Variants in MACROD2 observed in about 807,000 individuals in gnomAD.
MACROD2 encodes mono-ADP ribosylhydrolase 2.
In MACROD2, 36 loss-of-function variants were observed where a neutral mutation model predicts 70.4. The ratio of observed to expected loss-of-function variants is 0.51; its 90% CI spans 0.39 to 0.68. The LOEUF (loss-of-function observed/expected upper bound fraction) is 0.68. Ranked by LOEUF, MACROD2 falls within the 30% of genes least tolerant of loss-of-function variation. The pLI is 0.00. For synonymous variants in MACROD2, 172 were observed against 178.8 expected (o/e 0.96, Z 0.30); for missense variants, 496 against 538.4 (o/e 0.92, Z 0.78).
intron 8 of MACROD2, among the ~76,000 whole-genome samples, chr20:15,686,623 A>G (rs1163075537): frequency 6.6e-6 from 1 of 152,208 alleles, no homozygotes; most frequent in African/African-American, 2.4e-5. Context: ...CTGTAATCCC[A>G]GCACTTTGGG....
chr20:15,144,745 A>G (rs1323688876), intron 5 of MACROD2, among the ~76,000 whole-genome samples: 1 of 152,168 alleles, frequency 6.6e-6, no homozygotes, highest in African/African-American at 2.4e-5. Flanking sequence ...GGGAAACATG[A>G]TGAACTTTTG....
chr20:14,987,328 C>T lies in MACROD2; in HGVS notation c.419-242612C>T, dbSNP rs568056989. On this transcript the variant is annotated intron_variant, in intron 5 of 17. Transcript: ENST00000684519. ...GCCTCTCTGAGGATTATGGATAAAG[C>T]GGTTAACACAATTCCAGGCAACTAG... Among the ~76,000 whole-genome samples the T allele has an allele frequency of 1.3e-4, 20 of 152,184 alleles. No individual in the cohort carries two copies. The South Asian group carries it at 4.2e-3, about 32-fold the overall frequency.
intron 5 of MACROD2, among the ~76,000 whole-genome samples, chr20:15,099,571 A>G (rs1353993998): frequency 6.6e-6 from 1 of 152,128 alleles, no homozygotes; most frequent in Non-Finnish European, 1.5e-5. Flanking sequence ...TACCCAGTTT[A>G]TGGTGTTTGG....
At chr20:15,477,118 T>TTTTTTG (rs2047033187) in intron 7 of MACROD2, among the ~76,000 whole-genome samples, 1 of 149,752 alleles carries the variant, frequency 6.7e-6, no homozygotes, top group African/African-American at 2.5e-5. Flanking sequence ...TTTTTTTTTT[T>TTTTTTG]GAGACAGGGC....
intron 5 of MACROD2, among the ~76,000 whole-genome samples, chr20:14,768,458 A>T (rs1462966759): frequency 1.3e-5 from 2 of 152,018 alleles, no homozygotes; most frequent in African/African-American, 4.8e-5. Flanking sequence ...AATCTTAAAG[A>T]CCCAGCCAGA....
intron 3 of MACROD2, among the ~76,000 whole-genome samples, chr20:14,396,233 C>G (rs1353595347): frequency 2.0e-5 from 3 of 152,166 alleles, no homozygotes; most frequent in Non-Finnish European, 2.9e-5. Context: ...CTATAAATAT[C>G]AAGTCAAGTG....
chr20:15,325,153 C>A (rs1378568730), intron 6 of MACROD2, among the ~76,000 whole-genome samples: 1 of 152,078 alleles, frequency 6.6e-6, no homozygotes, highest in Admixed American at 6.6e-5. Context: ...TGATAACATA[C>A]AATCTTTCAC....
intron 6 of MACROD2, among the ~76,000 whole-genome samples, chr20:15,313,230 T>C (rs1029650576): frequency 3.3e-5 from 5 of 152,130 alleles, no homozygotes; most frequent in African/African-American, 1.2e-4. Context: ...TATGCGGCCG[T>C]GTGCGGTGGC....
At chr20:15,903,863 A>G (rs1393376701) in intron 10 of MACROD2, among the ~76,000 whole-genome samples, 1 of 152,232 alleles carries the variant, frequency 6.6e-6, no homozygotes, top group Admixed American at 6.5e-5. Context: ...GCTTGATCCA[A>G]GTAGCAGCGA....
At chr20:15,067,331 ATTTTG>A (rs551720232) in intron 5 of MACROD2, among the ~76,000 whole-genome samples, 223 of 152,026 alleles carry the variant, frequency 1.5e-3, no homozygotes, top group African/African-American at 3.9e-3. Context: ...TATTGTTTGT[ATTTTG>A]TTTTGTTTTG....
At chr20:14,937,269 G>T (rs1165053666) in intron 5 of MACROD2, among the ~76,000 whole-genome samples, 1 of 152,026 alleles carries the variant, frequency 6.6e-6, no homozygotes, top group Non-Finnish European at 1.5e-5. Flanking sequence ...CAGTAGAAGA[G>T]GTGGTAGGGG....
chr20:14,524,714 A>G (rs527871954), intron 4 of MACROD2, among the ~76,000 whole-genome samples: 87 of 152,230 alleles, frequency 5.7e-4, no homozygotes, highest in African/African-American at 2.1e-3. Flanking sequence ...GGGAGAGCAT[A>G]TTTAGAACAC....
At chr20:15,563,838 G>T (rs2048276340) in intron 8 of MACROD2, among the ~76,000 whole-genome samples, 1 of 152,180 alleles carries the variant, frequency 6.6e-6, no homozygotes, top group South Asian at 2.1e-4. Context: ...ATCAATGAAA[G>T]CAGGGTAAGG....
At chr20:15,807,032 G>A (rs959198651) in intron 8 of MACROD2, among the ~76,000 whole-genome samples, 4 of 152,128 alleles carry the variant, frequency 2.6e-5, no homozygotes, top group Non-Finnish European at 5.9e-5. Context: ...TCTTTGCTTG[G>A]CCTTGTTTTA....
At chr20:14,956,009 T>G (rs973643317) in intron 5 of MACROD2, among the ~76,000 whole-genome samples, 1 of 150,416 alleles carries the variant, frequency 6.6e-6, no homozygotes, top group Non-Finnish European at 1.5e-5. Flanking sequence ...TTAGCTGAAA[T>G]ACAGCTTTTA....
intron 6 of MACROD2, among the ~76,000 whole-genome samples, chr20:15,262,108 A>G (rs1397158746): frequency 6.6e-6 from 1 of 151,974 alleles, no homozygotes; most frequent in African/African-American, 2.4e-5. Flanking sequence ...TGTTAACTGT[A>G]GTCACTCTGT....
chr20:15,647,241 G>A (rs2049561938), intron 8 of MACROD2, among the ~76,000 whole-genome samples: 2 of 152,182 alleles, frequency 1.3e-5, no homozygotes, highest in African/African-American at 4.8e-5. Flanking sequence ...TGTCAGCTAA[G>A]TAGACACCAA....
intron 15 of MACROD2, among the ~76,000 whole-genome samples, chr20:15,991,423 T>C (rs2066557435): frequency 6.6e-6 from 1 of 152,152 alleles, no homozygotes; most frequent in South Asian, 2.1e-4. Context: ...AGCCCTTTCT[T>C]CTCTCCTTGA....
chr20:14,750,975 T>C (rs2071862134), intron 5 of MACROD2, among the ~76,000 whole-genome samples: 1 of 152,150 alleles, frequency 6.6e-6, no homozygotes, highest in Admixed American at 6.5e-5. Context: ...AGTTTTCTTT[T>C]GTTTGTTTTC....
Sources: allele counts gnomAD v4.1 joint callset (sites outside exome capture counted in the v4.1 genomes callset), GRCh38; gene constraint gnomAD v4.1.1; transcripts MANE v1.5; gene names NCBI Gene and HGNC (gene_info 2026-07-23, HGNC 2026-07-21).